PANX1: variants seen among roughly 807,000 people sequenced by gnomAD.
PANX1 encodes the protein pannexin 1, also known as pannexin-1.
In PANX1, 30 loss-of-function variants were observed where a neutral mutation model predicts 38.7. That is an observed-to-expected ratio of 0.78 (90% CI 0.58 to 1.05). PANX1 has a LOEUF of 1.05. PANX1 is among the 50% of genes least tolerant of loss of function. PANX1 has a pLI of 0.00. For synonymous variants in PANX1, 230 were observed against 212.2 expected (o/e 1.08, Z -0.73); for missense variants, 551 against 517.2 (o/e 1.07, Z -0.63).
intron 1 of PANX1, among the ~76,000 whole-genome samples, chr11:94,137,581 A>G (rs1946709513): frequency 6.6e-6 from 1 of 150,680 alleles, no homozygotes; most frequent in Non-Finnish European, 1.5e-5. Context: ...TTCTGGGGGC[A>G]GCAGGGAGAC....
chr11:94,141,223 A>G (rs896110657), intron 1 of PANX1, among the ~76,000 whole-genome samples: 5 of 152,346 alleles, frequency 3.3e-5, no homozygotes, highest in South Asian at 2.1e-4. Context: ...GACACTTTCA[A>G]CTGCCTTCCA....
At chr11:94,129,563 C>G in intron 1 of PANX1, 70 bp downstream of exon 1, 1 of 1,403,050 alleles carries the variant, frequency 7.1e-7, no homozygotes, top group Non-Finnish European at 9.8e-7. Flanking sequence ...TTTTACGGCT[C>G]ACAGGCCCGA....
At chr11:94,131,780 A>G (rs779043198) in intron 1 of PANX1, among the ~76,000 whole-genome samples, 2 of 152,172 alleles carry the variant, frequency 1.3e-5, no homozygotes, top group Non-Finnish European at 2.9e-5. Context: ...TAATACATGG[A>G]GTTGGTACAG....
rs1489497550 is a variant in PANX1 at position 94,129,328 on chromosome 11, C to T, written c.16C>T (p.Leu6=). Reference sequence around the variant, plus strand: ...CGCCGCAGCCATGGCCATCGCTCAACTGGCCACGGAGTACGTGTTCTCGGA... The same window carrying T: ...CGCCGCAGCCATGGCCATCGCTCAATTGGCCACGGAGTACGTGTTCTCGGA... The part of the protein sequence containing the change: MAIAQ[L]ATEYVFSDFL... The change falls in exon 1 of 5, where the codon CTG becomes TTG. Residue 6 remains leucine (L), a synonymous_variant. Coordinates refer to ENST00000227638, the MANE Select transcript of PANX1 (RefSeq NM_015368.4). The T allele has an allele frequency of 6.2e-7, 1 of 1,611,174 alleles. No individual in the cohort carries two copies. The highest frequency in any genetic ancestry group is 1.1e-5 in the South Asian group (1 of 90,864).
chr11:94,174,364 A>T (rs1295932769), intron 2 of PANX1, among the ~76,000 whole-genome samples: 1 of 151,464 alleles, frequency 6.6e-6, no homozygotes, highest in South Asian at 2.1e-4. Flanking sequence ...CAACAGACAA[A>T]CACGGAGGAA....
intron 2 of PANX1, among the ~76,000 whole-genome samples, chr11:94,161,110 G>A (rs1348903545): frequency 6.6e-6 from 1 of 152,228 alleles, no homozygotes; most frequent in Non-Finnish European, 1.5e-5. Context: ...AGTCTGATGG[G>A]CTTCCCTTGG....
At chr11:94,178,716 G>A (rs1039759548) in intron 3 of PANX1, 124 bp downstream of exon 3, 5 of 694,322 alleles carry the variant, frequency 7.2e-6, no homozygotes, top group Admixed American at 2.3e-5. Flanking sequence ...GCAGGGGGAC[G>A]TCATGCACCT....
intron 2 of PANX1, among the ~76,000 whole-genome samples, chr11:94,168,850 C>G (rs76709721): frequency 1.3e-5 from 2 of 151,520 alleles, no homozygotes; most frequent in African/African-American, 4.9e-5. Flanking sequence ...CTCAGGGCAT[C>G]TTTTCTAAGA....
intron 2 of PANX1, among the ~76,000 whole-genome samples, chr11:94,165,087 G>T (rs2134509649): frequency 6.6e-6 from 1 of 152,154 alleles, no homozygotes; most frequent in South Asian, 2.1e-4. Context: ...TGAGTTTCTG[G>T]TCAGCAGCGT....
At chr11:94,176,960 C>G (rs1947241973) in intron 2 of PANX1, among the ~76,000 whole-genome samples, 1 of 151,644 alleles carries the variant, frequency 6.6e-6, no homozygotes, top group East Asian at 1.9e-4. Context: ...GTCCACCTAG[C>G]TAATCTTTTT....
At chr11:94,179,410 G>C (rs772247129) in intron 3 of PANX1, among the ~76,000 whole-genome samples, 192 bp from the exon 4 acceptor site, 1 of 152,148 alleles carries the variant, frequency 6.6e-6, no homozygotes. Context: ...TAAATATTAA[G>C]GGGAAAAGCA....
intron 2 of PANX1, among the ~76,000 whole-genome samples, chr11:94,169,792 G>A (rs1222603170): frequency 6.6e-6 from 1 of 151,568 alleles, no homozygotes; most frequent in Non-Finnish European, 1.5e-5. Flanking sequence ...AGGGAGCATG[G>A]CCCTGCTAGC....
chr11:94,137,315 CAGAT>C lies in PANX1; in HGVS notation c.181+7828_181+7831del, dbSNP rs201955380. On this transcript the variant is annotated intron_variant, in intron 1 of 4. Transcript: ENST00000227638. ...GAGACTCCTTCTCAAAATATATAGA[CAGAT>C]AGATAAAACCTGAAAATAGGCCTTA... Among the ~76,000 whole-genome samples, 1,325 of 152,278 alleles carry C rather than the reference CAGAT, an allele frequency of 8.7e-3. 16 individuals are homozygous for C. The highest frequency in any genetic ancestry group is 0.03 in the African/African-American group (1,229 of 41,542).
intron 2 of PANX1, among the ~76,000 whole-genome samples, chr11:94,158,412 C>G (rs1301327964): frequency 1.3e-5 from 2 of 152,178 alleles, no homozygotes; most frequent in East Asian, 3.9e-4. Flanking sequence ...TTTGTGTCCT[C>G]TTTAATTTCA....
chr11:94,169,456 C>G (rs1336506940), intron 2 of PANX1, among the ~76,000 whole-genome samples: 2 of 151,698 alleles, frequency 1.3e-5, no homozygotes, highest in East Asian at 3.9e-4. Context: ...GAATTGTGTC[C>G]CCCAAAAGAT....
chr11:94,146,574 G>A (rs1290493496), intron 1 of PANX1, among the ~76,000 whole-genome samples: 2 of 152,220 alleles, frequency 1.3e-5, no homozygotes, highest in African/African-American at 4.8e-5. Context: ...GTCATCCAAT[G>A]CTCCCAGGGT....
chr11:94,168,320 A>C (rs1229870886), intron 2 of PANX1, among the ~76,000 whole-genome samples: 2 of 152,114 alleles, frequency 1.3e-5, no homozygotes, highest in African/African-American at 4.8e-5. Flanking sequence ...GGGGACTTTG[A>C]AAACTAACCA....
At chr11:94,141,794 T>C (rs1946764598) in intron 1 of PANX1, among the ~76,000 whole-genome samples, 1 of 152,132 alleles carries the variant, frequency 6.6e-6, no homozygotes, top group African/African-American at 2.4e-5. Flanking sequence ...TTACAGAATT[T>C]CTCAGTGCCT....
At chr11:94,161,550 G>C (rs1383910858) in intron 2 of PANX1, among the ~76,000 whole-genome samples, 2 of 152,066 alleles carry the variant, frequency 1.3e-5, no homozygotes, top group Non-Finnish European at 2.9e-5. Context: ...GGTAGTTCTC[G>C]TGCCGTGGTT....
Sources: gnomAD v4.1 joint callset for allele counts (sites outside exome capture counted in the v4.1 genomes callset) on GRCh38, gnomAD v4.1.1 for gene constraint, MANE v1.5 for transcripts, NCBI Gene and HGNC (gene_info 2026-07-23, HGNC 2026-07-21) for gene names.